The following FAM76A variants were observed in gnomAD, a reference collection of about 807,000 sequenced individuals.
FAM76A encodes family with sequence similarity 76 member A, also known as protein FAM76A.
FAM76A carries 32 observed loss-of-function variants against 46.2 expected under a neutral mutation model. The observed-to-expected ratio is 0.69, with a 90% CI of 0.52 to 0.93. FAM76A has a LOEUF of 0.93. Among genes scored for constraint, FAM76A ranks in the 40% least tolerant of loss-of-function variants. The pLI is 0.00. For synonymous variants in FAM76A, 137 were observed against 127.0 expected (o/e 1.08, Z -0.53); for missense variants, 274 against 361.5 (o/e 0.76, Z 1.96).
intron 5 of FAM76A, among the ~76,000 whole-genome samples, chr1:27,748,465 T>G (rs1245077243): frequency 1.4e-5 from 2 of 146,376 alleles, no homozygotes; most frequent in African/African-American, 2.5e-5. Flanking sequence ...TACTTCTTAT[T>G]GAAGTTTTTT....
intron 6 of FAM76A, among the ~76,000 whole-genome samples, chr1:27,754,141 T>C (rs1290406842): frequency 6.7e-6 from 1 of 149,350 alleles, no homozygotes; most frequent in African/African-American, 2.5e-5. Context: ...AGTTTCGCTC[T>C]TGTTGCCCAG....
rs2088500254 is a variant in FAM76A at position 27,760,956 on chromosome 1, T to G, written c.*375T>G. ...AATGATTTGTTTTTTGTTTTTTTTT[T>G]TTTTTTTGGTCCTTCATTGCATCCT... is the stretch of plus-strand genomic sequence containing the variant. On this transcript the variant is annotated 3_prime_UTR_variant, in exon 9 of 9. Transcript: ENST00000373954. 6.9e-6 allele frequency: 1 copy of G among 145,942 alleles called. No individual in the cohort carries two copies. 9.0% of individuals were successfully genotyped at this position (145,942 alleles called of 1,614,324 possible). A position where few individuals can be genotyped will look rare whatever the true frequency, so the allele number is the denominator to read the frequency against.
At chr1:27,732,468 C>T in intron 2 of FAM76A, 135 bp from the exon 3 acceptor site, 1 of 558,680 alleles carries the variant, frequency 1.8e-6, no homozygotes, top group Non-Finnish European at 3.3e-6. Context: ...TAGAAAGGTA[C>T]TCAAGCTAGT....
intron 2 of FAM76A, among the ~76,000 whole-genome samples, chr1:27,728,303 C>T (rs12022270): frequency 0.12 from 18,643 of 152,138 alleles, 2,790 homozygotes; most frequent in African/African-American, 0.35. Context: ...TAAGAGTTTG[C>T]TAGCTCTAGT....
intron 7 of FAM76A, among the ~76,000 whole-genome samples, chr1:27,756,586 C>T (rs1350401676): frequency 2.0e-5 from 3 of 151,082 alleles, no homozygotes; most frequent in African/African-American, 7.3e-5. Flanking sequence ...CCACTGTGCC[C>T]GGCCTCAGTG....
chr1:27,755,274 A>G lies in FAM76A; in HGVS notation c.679A>G (p.Thr227Ala). ...TGCCCAACTGAAGGAAGAAGTGGCT[A>G]CCCTGAAGAAGATGTTGCATCAAAA... The part of the protein sequence containing the change: ...IIAQLKEEVA[T>A]LKKMLHQKDQ... The change falls in exon 7 of 9, where the codon ACC (threonine) becomes GCC (alanine). Residue 227 changes from threonine to alanine, a missense_variant. Thr to Ala is a moderately conservative substitution (Grantham distance 58). Coordinates refer to ENST00000373954, the MANE Select transcript of FAM76A (RefSeq NM_152660.3). 6.2e-7 allele frequency: 1 copy of G among 1,614,190 alleles called. No homozygotes were observed. Among genetic ancestry groups the G allele is most frequent in the Non-Finnish European group, 8.5e-7 (1 of 1,180,036 alleles).
chr1:27,737,590 G>A (rs2088071525), intron 4 of FAM76A, among the ~76,000 whole-genome samples: 2 of 151,978 alleles, frequency 1.3e-5, no homozygotes, highest in South Asian at 4.2e-4. Flanking sequence ...GTTGGCTCAC[G>A]GCTGTAATCC....
At chr1:27,756,462 T>C (rs1284410330) in intron 7 of FAM76A, among the ~76,000 whole-genome samples, 3 of 152,036 alleles carry the variant, frequency 2.0e-5, no homozygotes, top group African/African-American at 7.2e-5. Flanking sequence ...GGCTAATTTT[T>C]CTATTTTCAG....
At chr1:27,746,598 A>G (rs1168569414) in intron 5 of FAM76A, among the ~76,000 whole-genome samples, 2 of 152,114 alleles carry the variant, frequency 1.3e-5, no homozygotes, top group Non-Finnish European at 2.9e-5. Flanking sequence ...GTGGTGTTGC[A>G]TGCCTGTAAT....
rs899932152 is a variant in FAM76A, at chr1:27,726,015, G to T, written c.-66G>T. The T allele has an allele frequency of 4.4e-5, 54 of 1,213,626 alleles. No homozygotes were observed. In the East Asian group the frequency reaches 1.6e-3, roughly 36 times the overall value. The allele number at this position is 1,213,626 out of a possible 1,614,324, so 75.2% of individuals were successfully genotyped here. On this transcript the variant is annotated 5_prime_UTR_variant, in exon 1 of 9. Transcript: ENST00000373954. ...CAGCCTGCAGCCGCCGCCGGGTTGT[G>T]CCTCAGACTGTCAGATAAATCGGCG...
chr1:27,748,071 A>C (rs2088269502), intron 5 of FAM76A, among the ~76,000 whole-genome samples: 1 of 151,848 alleles, frequency 6.6e-6, no homozygotes, highest in African/African-American at 2.4e-5. Flanking sequence ...TAACTTATCT[A>C]TACCTCACAG....
At chr1:27,745,868 A>G (rs1330864089) in intron 5 of FAM76A, among the ~76,000 whole-genome samples, 1 of 152,170 alleles carries the variant, frequency 6.6e-6, no homozygotes, top group Non-Finnish European at 1.5e-5. Context: ...AAGTCCTTTT[A>G]TATTGCTGGA....
intron 8 of FAM76A, chr1:27,760,269 T>G (rs1382923185): frequency 4.8e-6 from 2 of 416,308 alleles, no homozygotes; most frequent in Non-Finnish European, 9.1e-6. Context: ...TTTGTAACAG[T>G]GGGTCCCAAG....
chr1:27,740,253 T>A, intron 4 of FAM76A: 2 of 709,882 alleles, frequency 2.8e-6, no homozygotes, highest in Non-Finnish European at 5.3e-6. Context: ...CTCAGAGGCT[T>A]TGATTGAAGA....
At position 27,761,099 on chromosome 1, in the gene FAM76A, C is replaced by A. The variant is rs2088502787; in HGVS notation, c.*518C>A. 6.6e-6 allele frequency: 1 copy of A among 151,586 alleles called. No individual in the cohort carries two copies. The highest frequency in any genetic ancestry group is 1.5e-5 in the Non-Finnish European group (1 of 67,844). The allele number at this position is 151,586 out of a possible 1,614,324, so 9.4% of individuals were successfully genotyped here. The stretch of plus-strand genomic sequence containing the variant: ...GAAGAGGCTTTCTCTCTCCAATAAA[C>A]CTTTTGCTTCAGGGTATACTCTTCG... On this transcript the variant is annotated 3_prime_UTR_variant, in exon 9 of 9. Transcript: ENST00000373954.
intron 4 of FAM76A, among the ~76,000 whole-genome samples, chr1:27,734,488 A>G (rs2148568650): frequency 6.6e-6 from 1 of 152,326 alleles, no homozygotes; most frequent in Middle Eastern, 3.4e-3. Context: ...CAGAGGTTGC[A>G]GTGAGCTGAG....
At chr1:27,735,597 A>G (rs1171293057) in intron 4 of FAM76A, among the ~76,000 whole-genome samples, 1 of 152,226 alleles carries the variant, frequency 6.6e-6, no homozygotes, top group Non-Finnish European at 1.5e-5. Flanking sequence ...GCCAACCAGG[A>G]CATCTCTTCC....
At chr1:27,729,398 A>G (rs1004830488) in intron 2 of FAM76A, among the ~76,000 whole-genome samples, 1 of 151,786 alleles carries the variant, frequency 6.6e-6, no homozygotes, top group Non-Finnish European at 1.5e-5. Flanking sequence ...TAGTAGAGAC[A>G]GGGGTCTTGC....
chr1:27,759,299 G>A (rs561937524), intron 7 of FAM76A, among the ~76,000 whole-genome samples: 53 of 152,246 alleles, frequency 3.5e-4, no homozygotes, highest in African/African-American at 1.3e-3. Flanking sequence ...GTAATTGGTA[G>A]CAACTATTAT....
Sources: allele counts gnomAD v4.1 joint callset (sites outside exome capture counted in the v4.1 genomes callset), GRCh38; gene constraint gnomAD v4.1.1; transcripts MANE v1.5; gene names NCBI Gene and HGNC (gene_info 2026-07-23, HGNC 2026-07-21).